RAI1: variants seen among roughly 807,000 people sequenced by gnomAD.
The protein encoded by RAI1 is retinoic acid-induced protein 1.
RAI1 carries 9 observed loss-of-function variants against 123.8 expected under a neutral mutation model. That is an observed-to-expected ratio of 0.07 (90% confidence interval 0.04 to 0.13). RAI1 has a LOEUF of 0.13. Among genes scored for constraint, RAI1 ranks in the 10% least tolerant of loss-of-function variants. RAI1 has a pLI of 1.00. For missense variants in RAI1, 2,256 were observed against 2,545.8 expected (o/e 0.89, Z 2.45); for synonymous variants, 1,231 against 1,127.3 (o/e 1.09, Z -1.84).
At position 17,787,317 on chromosome 17, in the gene RAI1, C is replaced by T. The variant is rs562429352; in HGVS notation, c.-16-5616C>T. ...GTGTCCCCCAGCAGGACCCAGACAA[C>T]TGCCTGGGCCACCAGACCCTTGCCC... On this transcript the variant is annotated intron_variant, in intron 2 of 5. Transcript: ENST00000353383. Among the ~76,000 whole-genome samples, 306 of 152,350 alleles carry T rather than the reference C, an allele frequency of 2.0e-3. 1 individual carries two copies. Among genetic ancestry groups the T allele is most frequent in the Non-Finnish European group, 3.7e-3 (255 of 68,028 alleles).
intron 4 of RAI1, among the ~76,000 whole-genome samples, chr17:17,806,940 C>A (rs1018937355): frequency 1.7e-4 from 26 of 152,120 alleles, no homozygotes; most frequent in African/African-American, 6.3e-4. Context: ...TCTACACACA[C>A]GGCAGTTCCC....
At chr17:17,715,151 G>A (rs1915670970) in intron 1 of RAI1, among the ~76,000 whole-genome samples, 1 of 152,258 alleles carries the variant, frequency 6.6e-6, no homozygotes, top group Admixed American at 6.5e-5. Flanking sequence ...TAAGGTATGT[G>A]GGAGGCCAAG....
chr17:17,781,006 G>A (rs2031557521), intron 2 of RAI1, among the ~76,000 whole-genome samples: 1 of 152,124 alleles, frequency 6.6e-6, no homozygotes, highest in Non-Finnish European at 1.5e-5. Flanking sequence ...CAGGAGCTAG[G>A]AACCTGCCAG....
intron 2 of RAI1, among the ~76,000 whole-genome samples, chr17:17,761,580 G>T (rs2030699254): frequency 6.6e-6 from 1 of 152,172 alleles, no homozygotes; most frequent in African/African-American, 2.4e-5. Context: ...GATTTGAGAG[G>T]AGGTGATCCC....
intron 2 of RAI1, among the ~76,000 whole-genome samples, chr17:17,775,455 C>T (rs2031307512): frequency 6.6e-6 from 1 of 152,130 alleles, no homozygotes; most frequent in Non-Finnish European, 1.5e-5. Context: ...CTGCCCGCCT[C>T]CACCTCCCAA....
At chr17:17,694,970 C>T (rs2142873196) in intron 1 of RAI1, among the ~76,000 whole-genome samples, 1 of 152,256 alleles carries the variant, frequency 6.6e-6, no homozygotes, top group African/African-American at 2.4e-5. Context: ...CTCGTTCTCC[C>T]ACTCCCTGGA....
intron 1 of RAI1, among the ~76,000 whole-genome samples, chr17:17,694,251 G>C (rs1241679620): frequency 1.3e-5 from 2 of 152,170 alleles, no homozygotes; most frequent in Non-Finnish European, 2.9e-5. Context: ...ACGGATGCCT[G>C]GGGTGTAGGT....
chr17:17,794,715 G>A lies in RAI1; in HGVS notation c.1767G>A (p.Ala589=), dbSNP rs770666609. Residue 589 remains alanine, a synonymous_variant, in exon 3 of 6, where the codon GCG becomes GCA. Coordinates refer to ENST00000353383, the MANE Select transcript of RAI1 (RefSeq NM_030665.4). ...TCGACAGCTTCTCCAAGTTCGTGGC[G>A]GGTGAGCGGGACTGTCCGCGGCTGC... ...LPLDSFSKFV[A]GERDCPRLLL... is the part of the protein sequence containing the mutation. 31 of 1,611,470 alleles carry A rather than the reference G, an allele frequency of 1.9e-5. No individual in the cohort carries two copies. The highest frequency in any genetic ancestry group is 4.0e-5 in the African/African-American group (3 of 74,940).
At chr17:17,692,674 C>T (rs576245660) in intron 1 of RAI1, among the ~76,000 whole-genome samples, 2 of 152,366 alleles carry the variant, frequency 1.3e-5, no homozygotes, top group East Asian at 3.9e-4. Flanking sequence ...TGAAGGCTTG[C>T]AGTCAGACAG....
chr17:17,698,316 G>C (rs1050223971), intron 1 of RAI1, among the ~76,000 whole-genome samples: 1 of 152,200 alleles, frequency 6.6e-6, no homozygotes, highest in South Asian at 2.1e-4. Flanking sequence ...CCACTCAAGA[G>C]TTGAGTCCCA....
intron 2 of RAI1, among the ~76,000 whole-genome samples, chr17:17,739,579 A>G (rs1916550657): frequency 6.6e-6 from 1 of 152,184 alleles, no homozygotes; most frequent in Non-Finnish European, 1.5e-5. Context: ...CCTGCCTTCC[A>G]GAGCTAAGAA....
At chr17:17,724,955 G>A (rs1916031175) in intron 2 of RAI1, among the ~76,000 whole-genome samples, 1 of 152,016 alleles carries the variant, frequency 6.6e-6, no homozygotes, top group African/African-American at 2.4e-5. Context: ...TCTCACGCGC[G>A]GTCGAGTGGC....
intron 2 of RAI1, among the ~76,000 whole-genome samples, chr17:17,749,231 G>T (rs1002177944): frequency 8.5e-5 from 13 of 152,166 alleles, no homozygotes; most frequent in African/African-American, 2.7e-4. Flanking sequence ...CAGTGCTTCC[G>T]CTGCCGCCTA....
Position 17,796,884 on chromosome 17 carries a change from G to C in RAI1, c.3936G>C (p.Gly1312=). ...TCGCCTCTCGGGCAGCCTTCCAGGG[G>C]GCCATGAAGACCAAGGTGCTGCCAC... ...LKLASRAAFQ[G]AMKTKVLPPR... is the part of the protein sequence containing the mutation. The change falls in exon 3 of 6, where the codon GGG becomes GGC. Residue 1312 remains glycine (G), a synonymous_variant. Transcript: ENST00000353383. This position sits in a 1 kb window ranked among gnomAD's most constrained non-coding sequence, Gnocchi z 5.8. 1 of 1,613,216 alleles carries C rather than the reference G, an allele frequency of 6.2e-7. No homozygotes were observed. The highest frequency in any genetic ancestry group is 8.5e-7 in the Non-Finnish European group (1 of 1,180,014).
rs766278958 is a variant in RAI1 at position 17,794,972 on chromosome 17, A to G, written c.2024A>G (p.Lys675Arg). ...EALPDSLQLD[K>R]GGNAKDFSPG... is the part of the protein sequence containing the mutation. ...CTGCCCGACTCCTTGCAGCTGGACA[A>G]GGGCGGCAATGCCAAGGACTTCAGC... The change falls in exon 3 of 6, where the codon AAG becomes AGG. Residue 675 changes from lysine (K) to arginine (R), a missense_variant. Physicochemically the swap from Lys to Arg is conservative, Grantham distance 26. Transcript: ENST00000353383. 5 of 1,613,770 alleles carry G rather than the reference A, an allele frequency of 3.1e-6. No homozygotes were observed. In the Admixed American group the frequency reaches 5.0e-5, roughly 16 times the overall value.
chr17:17,699,803 G>A (rs1598019673), intron 1 of RAI1, among the ~76,000 whole-genome samples: 1 of 152,114 alleles, frequency 6.6e-6, no homozygotes, highest in Admixed American at 6.6e-5. Context: ...AGCTGGTCAC[G>A]GTCCCATCCC....
In RAI1 at chr17:17,714,444, T is replaced by C. The variant is rs1456682935; in HGVS notation, c.-148-9584T>C. Among the ~76,000 whole-genome samples, 4 of 152,102 alleles carry C rather than the reference T, an allele frequency of 2.6e-5. No homozygotes were observed. In the South Asian group the frequency reaches 6.2e-4, roughly 24 times the overall value. On this transcript the variant is annotated intron_variant, in intron 1 of 5. Coordinates refer to ENST00000353383, the MANE Select transcript of RAI1 (RefSeq NM_030665.4). This position sits in a 1 kb window ranked among gnomAD's most constrained non-coding sequence, Gnocchi z 4.9. Reference sequence around the variant, plus strand: ...TGGAATTTGATACTAATCCTGGAGATTGAAAACTCAAACCTCTCCATAGGC... The same window carrying C: ...TGGAATTTGATACTAATCCTGGAGACTGAAAACTCAAACCTCTCCATAGGC...
At position 17,714,634 on chromosome 17, in the gene RAI1, C is replaced by T. The variant is rs1366319934; in HGVS notation, c.-148-9394C>T. ...AAAAACCTGAGGCTCAGAAACGTAA[C>T]GGGAAGCAGCTGGGTGCGAGCCTCC... On this transcript the variant is annotated intron_variant, in intron 1 of 5. Coordinates refer to ENST00000353383, the MANE Select transcript of RAI1 (RefSeq NM_030665.4). The surrounding 1 kb of genome is among the most constrained non-coding windows in gnomAD (Gnocchi z 4.9). 2.0e-5 allele frequency among the ~76,000 whole-genome samples: 3 copies of T among 152,168 alleles called. No homozygotes were observed. The highest frequency in any genetic ancestry group is 2.9e-5 in the Non-Finnish European group (2 of 68,026).
chr17:17,756,820 G>A (rs1390555364), intron 2 of RAI1, among the ~76,000 whole-genome samples: 2 of 152,204 alleles, frequency 1.3e-5, no homozygotes, highest in African/African-American at 2.4e-5. Flanking sequence ...GGGAGGAAGA[G>A]GGGCTTCTGT....
Sources: allele counts gnomAD v4.1 joint callset (sites outside exome capture counted in the v4.1 genomes callset), GRCh38; gene constraint gnomAD v4.1.1; non-coding constraint Gnocchi (gnomAD v3.1); transcripts MANE v1.5; gene names NCBI Gene and HGNC (gene_info 2026-07-23, HGNC 2026-07-21).